Variants in CEP83 observed in about 807,000 individuals in gnomAD.
The protein encoded by CEP83 is centrosomal protein 83.
A neutral mutation model predicts 101.9 loss-of-function variants in CEP83; 70 were observed. The observed-to-expected ratio is 0.69, with a 90% CI of 0.57 to 0.84. CEP83 has a LOEUF of 0.84. Among genes scored for constraint, CEP83 ranks in the 40% least tolerant of loss-of-function variants. The pLI, the probability that CEP83 is intolerant of heterozygous loss-of-function variation, is 0.00. For missense variants in CEP83, 715 were observed against 787.2 expected, an observed-to-expected ratio of 0.91 and a Z score of 1.10; for synonymous variants, 264 against 267.9, an observed-to-expected ratio of 0.99 and a Z score of 0.14.
chr12:94,265,937 G>C, the CEP83 span, among the ~76,000 whole-genome samples: 1 of 152,218 alleles, frequency 6.6e-6, no homozygotes, highest in African/African-American at 2.4e-5. Flanking sequence ...AGCAGGGAAG[G>C]TAACTTTAGA....
intron 2 of CEP83, among the ~76,000 whole-genome samples, chr12:94,420,712 T>G (rs901147859): frequency 2.0e-4 from 31 of 152,118 alleles, no homozygotes; most frequent in African/African-American, 7.2e-4. Flanking sequence ...CTATAGATAC[T>G]CTATATATAT....
At chr12:94,266,245 G>A in the CEP83 span, among the ~76,000 whole-genome samples, 19 of 152,290 alleles carry the variant, frequency 1.2e-4, no homozygotes, top group South Asian at 2.1e-4. Flanking sequence ...AGAATAGTCC[G>A]TAGGTCAGCT....
At chr12:94,285,147 G>A in the CEP83 span, among the ~76,000 whole-genome samples, 2 of 152,186 alleles carry the variant, frequency 1.3e-5, no homozygotes, top group African/African-American at 4.8e-5. Flanking sequence ...CCTGGAGGCA[G>A]GTGCTTTCCT....
chr12:94,288,083 G>A, the CEP83 span, among the ~76,000 whole-genome samples: 1 of 152,238 alleles, frequency 6.6e-6, no homozygotes, highest in Admixed American at 6.5e-5. Context: ...CAGGCTTTCA[G>A]CCCATGCTCC....
intron 14 of CEP83, chr12:94,328,247 A>G (rs995325788): frequency 1.1e-4 from 37 of 347,416 alleles, no homozygotes; most frequent in African/African-American, 6.6e-4. Context: ...GGGTGGGGGG[A>G]ATACACTCTC....
At chr12:94,331,617 C>T in intron 14 of CEP83, 83 bp downstream of exon 14, 1 of 1,211,562 alleles carries the variant, frequency 8.3e-7, no homozygotes, top group East Asian at 2.4e-5. Context: ...CGTGATCCAC[C>T]TGCCTCCGCC....
At chr12:94,298,934 G>C in the CEP83 span, 20 of 759,290 alleles carry the variant, frequency 2.6e-5, no homozygotes, top group Non-Finnish European at 3.7e-5. Context: ...TCATGTCAAA[G>C]TAGTTTCTTA....
intron 1 of CEP83, among the ~76,000 whole-genome samples, chr12:94,437,242 G>A (rs2066063989): frequency 6.6e-6 from 1 of 151,950 alleles, no homozygotes; most frequent in African/African-American, 2.4e-5. Context: ...GCTACTAGGA[G>A]GCTGAGGCAG....
chr12:94,299,362 G>A, the CEP83 span, among the ~76,000 whole-genome samples: 5 of 152,342 alleles, frequency 3.3e-5, no homozygotes, highest in African/African-American at 4.8e-5. Flanking sequence ...GAAATGCTGT[G>A]TGCATGGGCT....
the CEP83 span, among the ~76,000 whole-genome samples, chr12:94,299,705 G>C: frequency 1.3e-5 from 2 of 152,068 alleles, no homozygotes; most frequent in Non-Finnish European, 2.9e-5. Flanking sequence ...AATTACACGA[G>C]CATGCCACCG....
chr12:94,288,677 C>A, the CEP83 span, among the ~76,000 whole-genome samples: 1 of 152,224 alleles, frequency 6.6e-6, no homozygotes, highest in Admixed American at 6.5e-5. Context: ...CAAGGTTATC[C>A]CTCAAGCCCT....
chr12:94,413,950 T>A (rs1394436648), intron 2 of CEP83, among the ~76,000 whole-genome samples: 1 of 152,062 alleles, frequency 6.6e-6, no homozygotes, highest in East Asian at 1.9e-4. Context: ...AAAATCTTTG[T>A]CCTATGCAAA....
intron 11 of CEP83, among the ~76,000 whole-genome samples, chr12:94,365,769 GAAAAAAAAAAA>G (rs766001301): frequency 8.5e-5 from 6 of 70,724 alleles, no homozygotes; most frequent in Non-Finnish European, 1.8e-4. Context: ...GACTGTGTTT[GAAAAAAAAAAA>G]AAAAAAAAGA....
chr12:94,338,563 A>AGG (rs149761800), intron 11 of CEP83, among the ~76,000 whole-genome samples: 2 of 152,160 alleles, frequency 1.3e-5, no homozygotes, highest in Middle Eastern at 3.2e-3. Flanking sequence ...AGTTTTCAGC[A>AGG]GGGGGAGAGG....
intron 11 of CEP83, among the ~76,000 whole-genome samples, chr12:94,365,052 C>CA (rs1457522006): frequency 6.6e-6 from 1 of 151,836 alleles, no homozygotes; most frequent in Non-Finnish European, 1.5e-5. Flanking sequence ...ATAACGGAAG[C>CA]AAAATCAAAG....
At chr12:94,382,150 T>C (rs6538496) in intron 6 of CEP83, among the ~76,000 whole-genome samples, 29,495 of 151,750 alleles carry the variant, frequency 0.19, 4,265 homozygotes, top group East Asian at 0.55. Flanking sequence ...TAGAGTAGAG[T>C]TGTTCAAAGG....
intron 1 of CEP83, among the ~76,000 whole-genome samples, chr12:94,448,241 G>T (rs190640987): frequency 6.6e-6 from 1 of 151,900 alleles, no homozygotes; most frequent in Non-Finnish European, 1.5e-5. Flanking sequence ...ATGAAAACAG[G>T]GTCACTATAT....
chr12:94,357,423 T>C (rs1423383720), intron 11 of CEP83, among the ~76,000 whole-genome samples: 2 of 152,000 alleles, frequency 1.3e-5, no homozygotes, highest in Non-Finnish European at 2.9e-5. Context: ...GAGCCAGAAA[T>C]ATGTCCAAAA....
At chr12:94,364,648 A>T (rs78583384) in intron 11 of CEP83, among the ~76,000 whole-genome samples, 21,193 of 151,924 alleles carry the variant, frequency 0.14, 1,604 homozygotes, top group African/African-American at 0.2. Context: ...AACAAAAAAA[A>T]TTTTTTTAAT....
Sources: gnomAD v4.1 joint callset for allele counts (sites outside exome capture counted in the v4.1 genomes callset) on GRCh38, gnomAD v4.1.1 for gene constraint, MANE v1.5 for transcripts, NCBI Gene and HGNC (gene_info 2026-07-23, HGNC 2026-07-21) for gene names.